The following SLC71A2 variants were observed in gnomAD, a reference collection of about 807,000 sequenced individuals.
SLC71A2 encodes the protein solute carrier family 71 member 2.
chr9:94,435,650 C>CTTTTTT, the SLC71A2 span, among the ~76,000 whole-genome samples: 7 of 48,374 alleles, frequency 1.4e-4, no homozygotes, highest in Admixed American at 3.0e-4. Flanking sequence ...TTTCCTTCTT[C>CTTTTTT]TTTTTTTTTT....
At chr9:94,446,846 T>C in the SLC71A2 span, 336 of 1,607,744 alleles carry the variant, frequency 2.1e-4, no homozygotes, top group Non-Finnish European at 2.7e-4. Context: ...TTGGAAAAGA[T>C]TCTACTGTCT....
chr9:94,396,303 C>T, the SLC71A2 span, among the ~76,000 whole-genome samples: 1 of 151,788 alleles, frequency 6.6e-6, no homozygotes, highest in East Asian at 1.9e-4. Flanking sequence ...ATTGCCTGAG[C>T]TCAGGAGTTT....
the SLC71A2 span, among the ~76,000 whole-genome samples, chr9:94,415,560 T>A: frequency 9.2e-5 from 14 of 152,128 alleles, no homozygotes; most frequent in Admixed American, 7.9e-4. Context: ...CTCCCAAACT[T>A]TTTTAGCACT....
chr9:94,406,806 T>C, the SLC71A2 span, among the ~76,000 whole-genome samples: 11 of 152,326 alleles, frequency 7.2e-5, no homozygotes, highest in Middle Eastern at 3.4e-3. Context: ...GTTTTTTGTG[T>C]GTGGAATTTT....
chr9:94,440,932 A>G, the SLC71A2 span: 1 of 1,104,856 alleles, frequency 9.1e-7, no homozygotes, highest in African/African-American at 1.6e-5. Flanking sequence ...TCAGGTAATG[A>G]AAGTGAACAT....
chr9:94,437,098 G>A, the SLC71A2 span, among the ~76,000 whole-genome samples: 1 of 144,656 alleles, frequency 6.9e-6, no homozygotes, highest in East Asian at 2.0e-4. Flanking sequence ...TGGGATGGAT[G>A]TGCGTGCAAA....
At chr9:94,451,166 T>C in the SLC71A2 span, among the ~76,000 whole-genome samples, 1 of 152,200 alleles carries the variant, frequency 6.6e-6, no homozygotes, top group Admixed American at 6.5e-5. Context: ...CTTGATACCA[T>C]ATTTATCAAC....
At chr9:94,399,241 G>A in the SLC71A2 span, among the ~76,000 whole-genome samples, 40 of 152,026 alleles carry the variant, frequency 2.6e-4, no homozygotes, top group Non-Finnish European at 4.7e-4. Context: ...GATACTCCAC[G>A]CTCCTCTTAC....
At chr9:94,406,885 C>T in the SLC71A2 span, among the ~76,000 whole-genome samples, 1 of 152,112 alleles carries the variant, frequency 6.6e-6, no homozygotes, top group Non-Finnish European at 1.5e-5. Context: ...AGTTTGGATG[C>T]CATTTCTTTC....
At chr9:94,410,346 T>G in the SLC71A2 span, among the ~76,000 whole-genome samples, 1 of 152,108 alleles carries the variant, frequency 6.6e-6, no homozygotes, top group Admixed American at 6.5e-5. Context: ...ATCTCCCACC[T>G]GCCACCTGAG....
the SLC71A2 span, among the ~76,000 whole-genome samples, chr9:94,394,427 AT>A: frequency 1.0e-5 from 1 of 99,010 alleles, no homozygotes; most frequent in African/African-American, 2.7e-5. Flanking sequence ...CCTTATGTTT[AT>A]GTAAAAACTT....
the SLC71A2 span, among the ~76,000 whole-genome samples, chr9:94,403,131 C>T: frequency 2.0e-5 from 3 of 152,072 alleles, no homozygotes; most frequent in Non-Finnish European, 4.4e-5. Flanking sequence ...TTGTGACTGG[C>T]TCCTTTCCTT....
chr9:94,432,929 T>C, the SLC71A2 span: 11 of 393,316 alleles, frequency 2.8e-5, no homozygotes, highest in Admixed American at 1.6e-4. Flanking sequence ...GGCCAAGTCT[T>C]GCATAAAGGC....
the SLC71A2 span, among the ~76,000 whole-genome samples, chr9:94,397,939 ATACTG>A: frequency 6.6e-6 from 1 of 152,172 alleles, no homozygotes; most frequent in African/African-American, 2.4e-5. Flanking sequence ...ACCCGTTTCT[ATACTG>A]TACACTTTGG....
chr9:94,383,419 C>T, the SLC71A2 span, among the ~76,000 whole-genome samples: 1 of 152,226 alleles, frequency 6.6e-6, no homozygotes, highest in East Asian at 1.9e-4. Flanking sequence ...TCTTGGCCTC[C>T]CAGAGTGCTG....
At chr9:94,382,979 A>G in the SLC71A2 span, among the ~76,000 whole-genome samples, 9 of 152,104 alleles carry the variant, frequency 5.9e-5, no homozygotes, top group South Asian at 1.2e-3. Flanking sequence ...GGCGTGAGTC[A>G]TTGTGCTTGG....
chr9:94,389,303 T>C, the SLC71A2 span, among the ~76,000 whole-genome samples: 1 of 151,920 alleles, frequency 6.6e-6, no homozygotes, highest in Non-Finnish European at 1.5e-5. Context: ...TCTCACTCTG[T>C]TGCCCAGGCT....
At chr9:94,396,492 G>A in the SLC71A2 span, among the ~76,000 whole-genome samples, 188 of 152,320 alleles carry the variant, frequency 1.2e-3, 1 homozygote, top group Non-Finnish European at 2.2e-3. Context: ...TTCAGCCTGG[G>A]CAACAGATGG....
At chr9:94,405,175 T>C in the SLC71A2 span, among the ~76,000 whole-genome samples, 5 of 152,152 alleles carry the variant, frequency 3.3e-5, no homozygotes, top group Non-Finnish European at 7.4e-5. Flanking sequence ...TTCTGGGCTT[T>C]TTATTTCCAG....
Sources: gnomAD v4.1 joint callset for allele counts (sites outside exome capture counted in the v4.1 genomes callset) on GRCh38, gnomAD v4.1.1 for gene constraint, MANE v1.5 for transcripts, NCBI Gene and HGNC (gene_info 2026-07-23, HGNC 2026-07-21) for gene names.